The following PTPRG variants were observed in gnomAD, a reference collection of about 807,000 sequenced individuals.
PTPRG encodes receptor-type tyrosine-protein phosphatase gamma.
In PTPRG, 102 loss-of-function variants were observed where a neutral mutation model predicts 165.3. That is an observed-to-expected ratio of 0.62 (90% CI 0.53 to 0.73). The LOEUF is 0.73. Ranked by LOEUF, PTPRG falls within the 30% of genes least tolerant of loss-of-function variation. The pLI is 0.00. For missense variants in PTPRG, 1,866 were observed against 1,861.4 expected, an observed-to-expected ratio of 1.00 and a Z score of -0.05; for synonymous variants, 675 against 669.5, an observed-to-expected ratio of 1.01 and a Z score of -0.13.
intron 1 of PTPRG, among the ~76,000 whole-genome samples, chr3:61,722,857 G>A (rs1002859837): frequency 1.3e-5 from 2 of 152,112 alleles, no homozygotes; most frequent in Non-Finnish European, 2.9e-5. Context: ...TGTATTTTCT[G>A]TTCTTAAGAA....
At chr3:62,234,577 A>G (rs1187795921) in intron 14 of PTPRG, among the ~76,000 whole-genome samples, 7 of 152,182 alleles carry the variant, frequency 4.6e-5, no homozygotes, top group Non-Finnish European at 1.5e-5. Context: ...ATCTCTTACT[A>G]TAAGTGGGAT....
chr3:62,115,422 G>A (rs574376645), intron 5 of PTPRG, among the ~76,000 whole-genome samples: 1 of 152,258 alleles, frequency 6.6e-6, no homozygotes, highest in South Asian at 2.1e-4. Flanking sequence ...GGGTTGAGGA[G>A]TATAAGCAGG....
In PTPRG at chr3:62,101,914, T is replaced by A. The variant is rs181963677; in HGVS notation, c.615+23656T>A. Among the ~76,000 whole-genome samples, 109 of 152,310 alleles carry A rather than the reference T, an allele frequency of 7.2e-4. 1 individual carries two copies. The highest frequency in any genetic ancestry group is 2.5e-3 in the African/African-American group (104 of 41,584). ...GCCGTACACAAATAAACAGCAGGCA[T>A]TATTATCTTTCAAAATCTCTCCTGA... On this transcript the variant is annotated intron_variant, in intron 5 of 29. Coordinates refer to ENST00000474889, the MANE Select transcript of PTPRG (RefSeq NM_002841.4).
intron 2 of PTPRG, among the ~76,000 whole-genome samples, chr3:61,880,272 TC>T: frequency 6.6e-6 from 1 of 152,292 alleles, no homozygotes; most frequent in East Asian, 1.9e-4. Flanking sequence ...TTAGACTATC[TC>T]CCCACTGCTA....
chr3:61,583,235 A>G (rs1700347849), intron 1 of PTPRG, among the ~76,000 whole-genome samples: 1 of 152,166 alleles, frequency 6.6e-6, no homozygotes, highest in African/African-American at 2.4e-5. Context: ...TACGCATGGG[A>G]GCCAATGCTG....
At chr3:61,743,116 C>T (rs963862489) in intron 1 of PTPRG, 24 of 1,390,558 alleles carry the variant, frequency 1.7e-5, no homozygotes, top group African/African-American at 1.0e-4. Flanking sequence ...TGGCTTCTCA[C>T]GCCGCGCTAA....
intron 5 of PTPRG, among the ~76,000 whole-genome samples, chr3:62,101,160 G>A (rs183816167): frequency 6.6e-6 from 1 of 152,310 alleles, no homozygotes; most frequent in East Asian, 1.9e-4. Context: ...GGGTACGTAG[G>A]AGTTCATTAC....
In PTPRG at chr3:62,191,446, A is replaced by G. The variant is rs202244265; in HGVS notation, c.1034-23A>G. 4.2e-5 allele frequency: 68 copies of G among 1,609,652 alleles called. No individual in the cohort carries two copies. The East Asian group carries it at 1.5e-3, about 35-fold the overall frequency. ...GGCGCATTGTTCTGAAAGCTCCCTGAGCTGAGCCCTGTGTATCTTCAGTTT... is the reference window on the plus strand; with the variant it reads ...GGCGCATTGTTCTGAAAGCTCCCTGGGCTGAGCCCTGTGTATCTTCAGTTT... On this transcript the variant is annotated intron_variant, in intron 8 of 29. Transcript: ENST00000474889.
intron 6 of PTPRG, 27 bp from the exon 7 acceptor site, chr3:62,157,040 T>C: frequency 1.3e-6 from 2 of 1,571,548 alleles, no homozygotes; most frequent in South Asian, 2.2e-5. Context: ...ACCATTGTGC[T>C]TTTCTTTTCC....
intron 16 of PTPRG, among the ~76,000 whole-genome samples, chr3:62,258,581 C>T (rs982734808): frequency 2.0e-5 from 3 of 152,164 alleles, no homozygotes; most frequent in East Asian, 1.9e-4. Flanking sequence ...GAATAACTAT[C>T]GTAGTTTCAG....
intron 1 of PTPRG, among the ~76,000 whole-genome samples, chr3:61,699,136 G>A (rs1021030148): frequency 6.6e-6 from 1 of 151,984 alleles, no homozygotes; most frequent in African/African-American, 2.4e-5. Context: ...AAACCTGCAT[G>A]TTGTGCACAT....
chr3:62,153,955 T>C (rs1024712943), intron 6 of PTPRG, among the ~76,000 whole-genome samples: 1 of 152,218 alleles, frequency 6.6e-6, no homozygotes, highest in Non-Finnish European at 1.5e-5. Context: ...CCAGGCATAC[T>C]GTTTCAGATT....
chr3:61,685,785 C>G (rs1310102826), intron 1 of PTPRG, among the ~76,000 whole-genome samples: 3 of 152,148 alleles, frequency 2.0e-5, no homozygotes, highest in African/African-American at 7.2e-5. Flanking sequence ...TTATCATCAA[C>G]TATAATAAAA....
At chr3:61,924,259 A>C (rs2039152224) in intron 2 of PTPRG, among the ~76,000 whole-genome samples, 1 of 152,184 alleles carries the variant, frequency 6.6e-6, no homozygotes, top group Non-Finnish European at 1.5e-5. Flanking sequence ...CCTGACCTGC[A>C]CTTGCAGGTC....
chr3:61,919,137 A>G (rs144193720), intron 2 of PTPRG, among the ~76,000 whole-genome samples: 27 of 152,332 alleles, frequency 1.8e-4, no homozygotes, highest in African/African-American at 6.5e-4. Flanking sequence ...GATCTGAACT[A>G]GCATGCTTGG....
At chr3:61,778,264 A>T (rs1460724410) in intron 2 of PTPRG, among the ~76,000 whole-genome samples, 1 of 152,168 alleles carries the variant, frequency 6.6e-6, no homozygotes, top group Admixed American at 6.5e-5. Flanking sequence ...CTCCTGTTAT[A>T]GAATCTCATG....
intron 5 of PTPRG, chr3:62,124,375 G>T (rs1199194981): frequency 1.9e-6 from 3 of 1,612,560 alleles, no homozygotes; most frequent in African/African-American, 1.3e-5. Flanking sequence ...GCAAGTCCAG[G>T]GTGATCTGCA....
At position 61,654,776 on chromosome 3, in the gene PTPRG, C is replaced by CT. The variant is rs1355933819; in HGVS notation, c.85+92409dup. Among the ~76,000 whole-genome samples, 42 of 48,522 alleles carry CT rather than the reference C, an allele frequency of 8.7e-4. No homozygotes were observed. In the East Asian group the frequency reaches 0.027, roughly 32 times the overall value. 31.8% of individuals were successfully genotyped at this position (48,522 alleles called of 152,430 possible). On this transcript the variant is annotated intron_variant, in intron 1 of 29. Coordinates refer to ENST00000474889, the MANE Select transcript of PTPRG (RefSeq NM_002841.4). ...TGCTGACAAAGGAAGGCTACCTGTGCTTTTTCTTTTTTTTTTTTTTTTTGA... is the reference window on the plus strand; with the variant it reads ...TGCTGACAAAGGAAGGCTACCTGTGCTTTTTTCTTTTTTTTTTTTTTTTTGA...
rs544051916 is a variant in PTPRG, at chr3:61,824,065, A to C, written c.190+75083A>C. ...CATGAACCTGGGACGCGGAGCTTGC[A>C]GTGAGCCAAGATCGCTCCACTGCAC... On this transcript the variant is annotated intron_variant, in intron 2 of 29. Transcript: ENST00000474889. 3.3e-5 allele frequency among the ~76,000 whole-genome samples: 5 copies of C among 152,272 alleles called. No individual in the cohort carries two copies. The East Asian group carries it at 5.8e-4, about 18-fold the overall frequency.
Sources: allele counts gnomAD v4.1 joint callset (sites outside exome capture counted in the v4.1 genomes callset), GRCh38; gene constraint gnomAD v4.1.1; transcripts MANE v1.5; gene names NCBI Gene and HGNC (gene_info 2026-07-23, HGNC 2026-07-21).